Variants in CNTN6 observed in about 807,000 individuals in gnomAD.
CNTN6 encodes the protein contactin 6.
A neutral mutation model predicts 122.8 loss-of-function variants in CNTN6; 137 were observed. The ratio of observed to expected loss-of-function variants is 1.12; its 90% CI spans 0.97 to 1.29. The LOEUF (loss-of-function observed/expected upper bound fraction) is 1.29, where lower values mean the gene tolerates loss of function less well. Ranked by LOEUF, CNTN6 falls within the 50% of genes most tolerant of loss-of-function variation. CNTN6 has a pLI of 0.00. For synonymous variants in CNTN6, 570 were observed against 426.0 expected, an observed-to-expected ratio of 1.34 and a Z score of -4.16; for missense variants, 1,634 against 1,223.4, an observed-to-expected ratio of 1.34 and a Z score of -5.01.
intron 1 of CNTN6, among the ~76,000 whole-genome samples, chr3:1,120,112 T>C (rs569928353): frequency 6.0e-5 from 9 of 150,984 alleles, no homozygotes; most frequent in African/African-American, 1.7e-4. Flanking sequence ...TGTTTATCCA[T>C]TCACCTATTG....
intron 2 of CNTN6, among the ~76,000 whole-genome samples, chr3:1,187,617 G>A (rs1287305228): frequency 1.3e-5 from 2 of 152,176 alleles, no homozygotes; most frequent in Non-Finnish European, 2.9e-5. Flanking sequence ...GGTCTGAAGT[G>A]TCACAGCAGG....
chr3:1,127,265 A>C (rs2092196591), intron 1 of CNTN6, among the ~76,000 whole-genome samples: 1 of 151,796 alleles, frequency 6.6e-6, no homozygotes, highest in African/African-American at 2.4e-5. Flanking sequence ...GACAGGAAAA[A>C]GTTAATTTAT....
rs552622273 is a variant in CNTN6 at position 1,169,472 on chromosome 3, G to A, written c.55+21409G>A. ...TTGACTGCATATTTAGCTTTTCAGG[G>A]ATACTGCAGATAATGATGAGAATTA... On this transcript the variant is annotated intron_variant, in intron 2 of 22. Transcript: ENST00000446702. Among the ~76,000 whole-genome samples the A allele has an allele frequency of 2.6e-5, 4 of 152,258 alleles. No homozygotes were observed. In the South Asian group the frequency reaches 8.3e-4, roughly 32 times the overall value.
At chr3:1,235,052 C>T (rs1261590369) in intron 4 of CNTN6, among the ~76,000 whole-genome samples, 2 of 152,146 alleles carry the variant, frequency 1.3e-5, no homozygotes, top group Non-Finnish European at 2.9e-5. Context: ...CCCACACTAT[C>T]GCTGCTGGAA....
At chr3:1,308,309 G>C (rs984483317) in intron 7 of CNTN6, among the ~76,000 whole-genome samples, 3 of 151,638 alleles carry the variant, frequency 2.0e-5, no homozygotes, top group African/African-American at 7.3e-5. Context: ...GTGTGTGTGT[G>C]TGTGTGTGTG....
Position 1,385,751 on chromosome 3 carries a change from G to A in CNTN6, c.2658G>A (p.Gly886=), listed in dbSNP as rs975383582. 1.2e-6 allele frequency: 2 copies of A among 1,613,750 alleles called. No homozygotes were observed. The highest frequency in any genetic ancestry group is 1.3e-5 in the African/African-American group (1 of 75,022). The part of the protein sequence containing the change: ...FASVRAYNTA[G]TGPSSPPVNV... ...CCGTAAGAGCTTACAACACTGCTGG[G>A]ACAGGGCCCTCAAGCCCCCCAGTCA... is the stretch of plus-strand genomic sequence containing the variant. The change falls in exon 20 of 23, where the codon GGG becomes GGA. Residue 886 remains glycine (G), a synonymous_variant. Coordinates refer to ENST00000446702, the MANE Select transcript of CNTN6 (RefSeq NM_001289080.2).
intron 2 of CNTN6, among the ~76,000 whole-genome samples, chr3:1,176,586 G>C (rs1177210449): frequency 6.6e-6 from 1 of 152,162 alleles, no homozygotes; most frequent in South Asian, 2.1e-4. Flanking sequence ...AAGTTTTCAG[G>C]TGAGGGAAAA....
At chr3:1,117,319 G>C (rs1289865358) in intron 1 of CNTN6, among the ~76,000 whole-genome samples, 1 of 152,090 alleles carries the variant, frequency 6.6e-6, no homozygotes, top group Non-Finnish European at 1.5e-5. Flanking sequence ...AGCCAGAGAG[G>C]TAAGAAAGGT....
intron 4 of CNTN6, among the ~76,000 whole-genome samples, chr3:1,277,341 G>GTTTTTTTT (rs1559684658): frequency 1.4e-4 from 9 of 66,094 alleles, no homozygotes; most frequent in South Asian, 7.1e-4. Context: ...CTTTTAGTAG[G>GTTTTTTTT]TTTTCTTTTT....
intron 5 of CNTN6, among the ~76,000 whole-genome samples, chr3:1,287,388 T>C (rs1355315731): frequency 6.6e-6 from 1 of 152,178 alleles, no homozygotes; most frequent in Non-Finnish European, 1.5e-5. Context: ...AGGGCAAAAC[T>C]ATCCTTAGTT....
rs941064440 is a variant in CNTN6 at position 1,348,815 on chromosome 3, G to A, written c.1365-3509G>A. On this transcript the variant is annotated intron_variant, in intron 11 of 22. Transcript: ENST00000446702. ...GCCTGTTTCCTGATTTATAAAATAG[G>A]GGTGCAAACAATACCTAGCCCAGAA... Among the ~76,000 whole-genome samples, 3 of 151,716 alleles carry A rather than the reference G, an allele frequency of 2.0e-5. No homozygotes were observed. In the East Asian group the frequency reaches 5.8e-4, roughly 29 times the overall value.
rs922339137 is a variant in CNTN6, at chr3:1,388,271, C to A, written c.2704+2474C>A. Among the ~76,000 whole-genome samples, 6 of 148,932 alleles carry A rather than the reference C, an allele frequency of 4.0e-5. 1 individual carries two copies. Among genetic ancestry groups the A allele is most frequent in the African/African-American group, 1.5e-4 (6 of 40,530 alleles). ...CCCTGACCCCTGACCCCCGAGCAGC[C>A]TAACTGGGAGGCACCCCCCAGCAGG... On this transcript the variant is annotated intron_variant, in intron 20 of 22. Coordinates refer to ENST00000446702, the MANE Select transcript of CNTN6 (RefSeq NM_001289080.2).
intron 11 of CNTN6, among the ~76,000 whole-genome samples, chr3:1,349,726 T>C (rs188951941): frequency 6.6e-6 from 1 of 150,592 alleles, no homozygotes. Flanking sequence ...CTGGAAATTC[T>C]TTTATAGTTT....
chr3:1,373,696 C>T lies in CNTN6; in HGVS notation c.1879C>T (p.Pro627Ser), dbSNP rs371615844. 1 of 1,613,010 alleles carries T rather than the reference C, an allele frequency of 6.2e-7. No individual in the cohort carries two copies. The highest frequency in any genetic ancestry group is 8.5e-7 in the Non-Finnish European group (1 of 1,179,338). ...GAGAGCAGGCCCAGATAATAACAGT[C>T]CCATTCAAATATTTACTATTCAGAC... is the stretch of plus-strand genomic sequence containing the variant. ...SWRAGPDNNS[P>S]IQIFTIQTRT... The change falls in exon 15 of 23, where the codon CCC (proline) becomes TCC (serine). Residue 627 changes from proline to serine, a missense_variant. Transcript: ENST00000446702.
chr3:1,341,186 GT>G (rs34258036), intron 11 of CNTN6, among the ~76,000 whole-genome samples: 30,164 of 145,836 alleles, frequency 0.21, 3,652 homozygotes, highest in Non-Finnish European at 0.29. Flanking sequence ...TAGTTTGTTG[GT>G]TTTTTTTTTT....
In CNTN6 at chr3:1,382,924, G is replaced by A. The variant is rs779781522; in HGVS notation, c.2167-18G>A. 5.1e-6 allele frequency: 8 copies of A among 1,558,288 alleles called. No homozygotes were observed. The highest frequency in any genetic ancestry group is 6.2e-6 in the Non-Finnish European group (7 of 1,130,690). On this transcript the variant is annotated intron_variant, in intron 17 of 22. Coordinates refer to ENST00000446702, the MANE Select transcript of CNTN6 (RefSeq NM_001289080.2). ...ATATTTTTGCAAATACTCAGTGATT[G>A]ATCACATTCTGCCCAAGTCAATTCC...
chr3:1,336,874 C>T (rs1703152538), intron 11 of CNTN6, among the ~76,000 whole-genome samples: 1 of 151,842 alleles, frequency 6.6e-6, no homozygotes, highest in Non-Finnish European at 1.5e-5. Flanking sequence ...GAAAACTACA[C>T]AAGGAAGGTA....
intron 7 of CNTN6, among the ~76,000 whole-genome samples, chr3:1,316,508 T>C (rs1403009863): frequency 6.6e-6 from 1 of 151,864 alleles, no homozygotes; most frequent in Non-Finnish European, 1.5e-5. Flanking sequence ...AAACCATTAA[T>C]GAATGATCCA....
intron 3 of CNTN6, 150 bp downstream of exon 3, chr3:1,220,963 C>A: frequency 1.2e-6 from 1 of 846,250 alleles, no homozygotes; most frequent in Non-Finnish European, 1.7e-6. Flanking sequence ...GACAATCACT[C>A]AGATAAAGAT....
Sources: allele counts gnomAD v4.1 joint callset (sites outside exome capture counted in the v4.1 genomes callset), GRCh38; gene constraint gnomAD v4.1.1; transcripts MANE v1.5; gene names NCBI Gene and HGNC (gene_info 2026-07-23, HGNC 2026-07-21).